PRMT5: variants seen among roughly 807,000 people sequenced by gnomAD.
The protein encoded by PRMT5 is protein arginine methyltransferase 5, also known as protein arginine N-methyltransferase 5.
A neutral mutation model predicts 84.0 loss-of-function variants in PRMT5; 15 were observed. The ratio of observed to expected loss-of-function variants is 0.18; its 90% CI spans 0.12 to 0.28. The LOEUF is 0.28. Ranked by LOEUF, PRMT5 falls within the 10% of genes least tolerant of loss-of-function variation. The probability of loss-of-function intolerance (pLI) is 1.00; values close to 1 mark genes in which losing one functional copy is unlikely to be tolerated. For missense variants in PRMT5, 486 were observed against 808.0 expected, an observed-to-expected ratio of 0.60 and a Z score of 4.83; for synonymous variants, 276 against 292.4, an observed-to-expected ratio of 0.94 and a Z score of 0.57.
In PRMT5 at chr14:22,926,488, G is replaced by A; in HGVS notation, c.613+18C>T. ...GGTAAGAGAAGCCACACCCATCCCA[G>A]GATTCTCATGGACTCACCCACTGCA... On this transcript the variant is annotated intron_variant, in intron 6 of 16. Transcript: ENST00000324366. 4 of 1,613,936 alleles carry A rather than the reference G, an allele frequency of 2.5e-6. No individual in the cohort carries two copies. Among genetic ancestry groups the A allele is most frequent in the Non-Finnish European group, 3.4e-6 (4 of 1,179,874 alleles).
rs147402884 is a variant in PRMT5, at chr14:22,926,409, G to A, written c.613+97C>T. 1.8e-3 allele frequency: 2,865 copies of A among 1,590,236 alleles called. 37 individuals are homozygous for A. The African/African-American group carries it at 0.03, about 17-fold the overall frequency. On this transcript the variant is annotated intron_variant, in intron 6 of 16. Coordinates refer to ENST00000324366, the MANE Select transcript of PRMT5 (RefSeq NM_006109.5). The stretch of plus-strand genomic sequence containing the variant: ...AGAGAAAGCCAGTCTGAGACAGAGG[G>A]GAAGTAGCAAAATTGTATACTATAT...
intron 4 of PRMT5, 88 bp downstream of exon 4, chr14:22,927,438 C>T: frequency 6.5e-7 from 1 of 1,548,506 alleles, no homozygotes. Flanking sequence ...GCCAAACACA[C>T]CCTTCACTGA....
In PRMT5 at chr14:22,926,166, C is replaced by G; in HGVS notation, c.744G>C (p.Lys248Asn). The G allele has an allele frequency of 6.2e-7, 1 of 1,613,056 alleles. No homozygotes were observed. The highest frequency in any genetic ancestry group is 8.5e-7 in the Non-Finnish European group (1 of 1,179,106). The change falls in exon 7 of 17, where the codon AAG (lysine) becomes AAC (asparagine). Residue 248 changes from lysine (K) to asparagine (N), a missense_variant. Physicochemically the swap from Lys to Asn is moderately conservative, Grantham distance 94. This residue lies in a region of PRMT5 where 215 missense variants were observed against 301.1 expected (regional missense o/e 0.71). Coordinates refer to ENST00000324366, the MANE Select transcript of PRMT5 (RefSeq NM_006109.5). ...GCCGGAAGATGAGCCTCTGGTGCAT[C>G]TTAGAAAGAACAGGAAATCCCTTCT... ...TNKKGFPVLSKMHQRLIFRLL... is the reference protein window; with the variant it reads ...TNKKGFPVLSNMHQRLIFRLL...
At position 22,924,691 on chromosome 14, in the gene PRMT5, C is replaced by G; in HGVS notation, c.958G>C (p.Glu320Gln). The change falls in exon 9 of 17, where the codon GAA (glutamate) becomes CAA (glutamine). Residue 320 changes from glutamate to glutamine, a missense_variant. Glu to Gln is a conservative substitution (Grantham distance 29). Transcript: ENST00000324366. This position sits in a 1 kb window ranked among gnomAD's most constrained non-coding sequence, Gnocchi z 6.5. ...TCAAACACTTCATATGTCTGAGATT[C>G]CAGATTGTCCATCAGTGGCTGATGA... ...SPLQPLMDNLESQTYEVFEKD... is the reference protein window; with the variant it reads ...SPLQPLMDNLQSQTYEVFEKD... The G allele has an allele frequency of 6.2e-7, 1 of 1,613,966 alleles. No homozygotes were observed. Among genetic ancestry groups the G allele is most frequent in the Non-Finnish European group, 8.5e-7 (1 of 1,179,914 alleles).
In PRMT5 at chr14:22,923,910, C is replaced by T; in HGVS notation, c.1375+98G>A. 1 of 1,382,604 alleles carries T rather than the reference C, an allele frequency of 7.2e-7. No individual in the cohort carries two copies. Among genetic ancestry groups the T allele is most frequent in the Non-Finnish European group, 9.7e-7 (1 of 1,026,962 alleles). The allele number at this position is 1,382,604 out of a possible 1,614,324, so 85.6% of individuals were successfully genotyped here. On this transcript the variant is annotated intron_variant, in intron 12 of 16. Coordinates refer to ENST00000324366, the MANE Select transcript of PRMT5 (RefSeq NM_006109.5). The surrounding 1 kb of genome is among the most constrained non-coding windows in gnomAD (Gnocchi z 5.2). ...TGGCTCTCAAACTCATATGATGTGA[C>T]CCAGGTCCAACCCACTTTCCCCTAA...
rs756929095 is a variant in PRMT5 at position 22,926,215 on chromosome 14, G to C, written c.695C>G (p.Pro232Arg). Reference protein sequence around the residue: ...LGEPIKAAILPTSIFLTNKKG... With the variant: ...LGEPIKAAILRTSIFLTNKKG... ...CTTATTGGTCAGGAAAATGCTAGTGGGGAGAATGGCTGCTTTGATGGGCTC... is the reference window on the plus strand; with the variant it reads ...CTTATTGGTCAGGAAAATGCTAGTGCGGAGAATGGCTGCTTTGATGGGCTC... The change falls in exon 7 of 17, where the codon CCC (proline) becomes CGC (arginine). Residue 232 changes from proline (P) to arginine (R), a missense_variant. By Grantham distance (103) the Pro-to-Arg change is moderately radical. Coordinates refer to ENST00000324366, the MANE Select transcript of PRMT5 (RefSeq NM_006109.5). 5 of 1,613,494 alleles carry C rather than the reference G, an allele frequency of 3.1e-6. No individual in the cohort carries two copies. Among genetic ancestry groups the C allele is most frequent in the Non-Finnish European group, 2.5e-6 (3 of 1,179,480 alleles).
Position 22,928,591 on chromosome 14 carries a change from G to A in PRMT5, c.135C>T (p.Val45=). 1 of 1,613,964 alleles carries A rather than the reference G, an allele frequency of 6.2e-7. No individual in the cohort carries two copies. Among genetic ancestry groups the A allele is most frequent in the Non-Finnish European group, 8.5e-7 (1 of 1,179,862 alleles). ...ACTCCCTCTTGAAACGCGGATGGAAGACAGGCATGCAGAGGAAATCAAACC... is the reference window on the plus strand; with the variant it reads ...ACTCCCTCTTGAAACGCGGATGGAAAACAGGCATGCAGAGGAAATCAAACC... ...KQGFDFLCMP[V]FHPRFKREFI... Residue 45 remains valine, a synonymous_variant, in exon 2 of 17, where the codon GTC becomes GTT. Coordinates refer to ENST00000324366, the MANE Select transcript of PRMT5 (RefSeq NM_006109.5). The surrounding 1 kb of genome is among the most constrained non-coding windows in gnomAD (Gnocchi z 4.8).
At position 22,924,275 on chromosome 14, in the gene PRMT5, C is replaced by G. The variant is rs1400821917; in HGVS notation, c.1194G>C (p.Val398=). ...LYAVEKNPNA[V]VTLENWQFEE... is the part of the protein sequence containing the mutation. ...GCAAGCAGGTTGCTACTCACGTCAC[C>G]ACGGCATTTGGGTTTTTCTCCACAG... The change falls in exon 11 of 17, where the codon GTG becomes GTC. Residue 398 remains valine, a synonymous_variant. Coordinates refer to ENST00000324366, the MANE Select transcript of PRMT5 (RefSeq NM_006109.5). This position sits in a 1 kb window ranked among gnomAD's most constrained non-coding sequence, Gnocchi z 6.5. 2.5e-6 allele frequency: 4 copies of G among 1,614,030 alleles called. No homozygotes were observed. The South Asian group carries it at 4.4e-5, about 18-fold the overall frequency.
At position 22,924,513 on chromosome 14, in the gene PRMT5, G is replaced by T; in HGVS notation, c.1042C>A (p.Arg348=). ...QQAIYKCLLD[R]VPEEEKDTNV... ...GTATCCTTCTCCTCTTCTGGTACTC[G>T]GTCTAGCAGACATTTATAGATGGCC... Residue 348 remains arginine, a synonymous_variant, in exon 10 of 17, where the codon CGA becomes AGA. Transcript: ENST00000324366. This position sits in a 1 kb window ranked among gnomAD's most constrained non-coding sequence, Gnocchi z 6.5. 1 of 1,614,030 alleles carries T rather than the reference G, an allele frequency of 6.2e-7. No homozygotes were observed. The highest frequency in any genetic ancestry group is 1.3e-5 in the African/African-American group (1 of 75,016).
In PRMT5 at chr14:22,920,587, G is replaced by T. The variant is rs45536732; in HGVS notation, c.*317C>A. 2 of 555,480 alleles carry T rather than the reference G, an allele frequency of 3.6e-6. No individual in the cohort carries two copies. The highest frequency in any genetic ancestry group is 1.6e-5 in the South Asian group (1 of 64,330). The allele number at this position is 555,480 out of a possible 1,614,324, so 34.4% of individuals were successfully genotyped here. ...CTCTTACACAAAACCATCAAAACAA[G>T]AACAGAAAAAGGCTGAAAATCCGTT... On this transcript the variant is annotated 3_prime_UTR_variant, in exon 17 of 17. Coordinates refer to ENST00000324366, the MANE Select transcript of PRMT5 (RefSeq NM_006109.5).
rs2044323934 is a variant in PRMT5 at position 22,922,529 on chromosome 14, G to A, written c.1610C>T (p.Thr537Ile). 2 of 1,614,086 alleles carry A rather than the reference G, an allele frequency of 1.2e-6. No homozygotes were observed. The highest frequency in any genetic ancestry group is 2.2e-5 in the East Asian group (1 of 44,888). Residue 537 changes from threonine (T) to isoleucine (I), a missense_variant, in exon 15 of 17, where the codon ACC becomes ATC. Thr to Ile is a moderately conservative substitution (Grantham distance 89). This residue lies in a region of PRMT5 where 219 missense variants were observed against 433.6 expected (regional missense o/e 0.51). Coordinates refer to ENST00000324366, the MANE Select transcript of PRMT5 (RefSeq NM_006109.5). Reference protein sequence around the residue: ...DPMIDNNRYCTLEFPVEVNTV... With the variant: ...DPMIDNNRYCILEFPVEVNTV... ...GTTCACCTCCACAGGAAATTCCAAG[G>A]TGCAATAGCGGTTGTTGTCAATCAT...
In PRMT5 at chr14:22,927,613, A is replaced by C; in HGVS notation, c.363T>G (p.Ala121=). 1 of 1,614,120 alleles carries C rather than the reference A, an allele frequency of 6.2e-7. No individual in the cohort carries two copies. The highest frequency in any genetic ancestry group is 8.5e-7 in the Non-Finnish European group (1 of 1,180,030). The change falls in exon 4 of 17, where the codon GCT becomes GCG. Residue 121 remains alanine, a synonymous_variant. Coordinates refer to ENST00000324366, the MANE Select transcript of PRMT5 (RefSeq NM_006109.5). ...CTTCCTGATTAAGGGGCAGCAGGAA[A>C]GCTGGAAGACCCAAATATGCACCAA... ...LNFGAYLGLP[A]FLLPLNQEDN... is the part of the protein sequence containing the mutation.
chr14:22,928,510 C>T lies in PRMT5; in HGVS notation c.216G>A (p.Leu72=). ...RPGPQTRSDL[L]LSGRDWNTLI... is the part of the protein sequence containing the mutation. ...GATGGTCCCTACCCCTTCCTGACAG[C>T]AGTAGGTCTGATCGTGTCTGGGGAC... Residue 72 remains leucine (L), a synonymous_variant, in exon 2 of 17, where the codon CTG becomes CTA. Coordinates refer to ENST00000324366, the MANE Select transcript of PRMT5 (RefSeq NM_006109.5). The surrounding 1 kb of genome is among the most constrained non-coding windows in gnomAD (Gnocchi z 4.8). 1 of 1,611,006 alleles carries T rather than the reference C, an allele frequency of 6.2e-7. No homozygotes were observed. Among genetic ancestry groups the T allele is most frequent in the Non-Finnish European group, 8.5e-7 (1 of 1,177,064 alleles).
At chr14:22,926,032 C>A (rs2044410551) in intron 7 of PRMT5, 101 bp downstream of exon 7, 2 of 1,294,538 alleles carry the variant, frequency 1.5e-6, no homozygotes, top group Non-Finnish European at 2.1e-6. Context: ...TCCCCAGAAA[C>A]CAAAGAAAAA....
rs2044360164 is a variant in PRMT5, at chr14:22,923,946, C to T, written c.1375+62G>A. On this transcript the variant is annotated intron_variant, in intron 12 of 16. Transcript: ENST00000324366. This position sits in a 1 kb window ranked among gnomAD's most constrained non-coding sequence, Gnocchi z 5.2. ...CCCACTTTCCCCTAAACCCTGTACC[C>T]TCCTCCCAGGTTGCTGTCTCACCCA... The T allele has an allele frequency of 2.6e-6, 4 of 1,510,564 alleles. No individual in the cohort carries two copies. Among genetic ancestry groups the T allele is most frequent in the Non-Finnish European group, 3.5e-6 (4 of 1,131,136 alleles). 93.6% of individuals were successfully genotyped at this position (1,510,564 alleles called of 1,614,324 possible). A position where few individuals can be genotyped will look rare whatever the true frequency, so the allele number is the denominator to read the frequency against.
At position 22,925,050 on chromosome 14, in the gene PRMT5, A is replaced by G; in HGVS notation, c.778-10T>C. ...TGAACTGCACCTCCAACTGTGAGAAAAGTCAGACCATCAGACACAGCCCTC... is the reference window on the plus strand; with the variant it reads ...TGAACTGCACCTCCAACTGTGAGAAGAGTCAGACCATCAGACACAGCCCTC... On this transcript the variant is annotated splice_polypyrimidine_tract_variant and intron_variant, in intron 7 of 16. Transcript: ENST00000324366. The G allele has an allele frequency of 6.2e-7, 1 of 1,613,414 alleles. No individual in the cohort carries two copies. Among genetic ancestry groups the G allele is most frequent in the South Asian group, 1.1e-5 (1 of 90,984 alleles).
chr14:22,929,150 C>T (rs904773692), intron 1 of PRMT5, 102 bp downstream of exon 1: 1 of 1,613,988 alleles, frequency 6.2e-7, no homozygotes, highest in Non-Finnish European at 8.5e-7. Flanking sequence ...CCTCCTCATC[C>T]TAGCCGACCC....
At chr14:22,922,386 T>A in intron 15 of PRMT5, 57 bp downstream of exon 15, 2 of 1,470,100 alleles carry the variant, frequency 1.4e-6, no homozygotes, top group Admixed American at 3.3e-5. Context: ...CATGTACATA[T>A]AAGCTGCCCA....
At position 22,928,850 on chromosome 14, in the gene PRMT5, C is replaced by G. The variant is rs192720393; in HGVS notation, c.111-235G>C. Among the ~76,000 whole-genome samples, 1 of 152,188 alleles carries G rather than the reference C, an allele frequency of 6.6e-6. No individual in the cohort carries two copies. The highest frequency in any genetic ancestry group is 1.9e-4 in the East Asian group (1 of 5,168). ...GAGTAAGGAGAAAATGATGGATATC[C>G]ACAAGTAGAATTTTTTTCTCCTCAG... On this transcript the variant is annotated intron_variant, in intron 1 of 16. Coordinates refer to ENST00000324366, the MANE Select transcript of PRMT5 (RefSeq NM_006109.5). The surrounding 1 kb of genome is among the most constrained non-coding windows in gnomAD (Gnocchi z 4.8).
Sources: gnomAD v4.1 joint callset for allele counts (sites outside exome capture counted in the v4.1 genomes callset) on GRCh38, gnomAD v4.1.1 for gene constraint, gnomAD v4.1.1 regional missense constraint, Gnocchi (gnomAD v3.1) non-coding constraint, MANE v1.5 for transcripts, NCBI Gene and HGNC (gene_info 2026-07-23, HGNC 2026-07-21) for gene names.